The following TNFSF4 variants were observed in gnomAD, a reference collection of about 807,000 sequenced individuals.
TNFSF4 encodes tumor necrosis factor ligand superfamily member 4.
TNFSF4 carries 4 observed loss-of-function variants against 7.3 expected under a neutral mutation model. That is an observed-to-expected ratio of 0.55 (90% CI 0.27 to 1.25). TNFSF4 has a LOEUF of 1.25. TNFSF4 is among the 50% of genes most tolerant of loss of function. The pLI is 0.12. For missense variants in TNFSF4, 181 were observed against 208.8 expected (o/e 0.87, Z 0.82); for synonymous variants, 76 against 83.7 (o/e 0.91, Z 0.50).
the TNFSF4 span, among the ~76,000 whole-genome samples, chr1:173,430,220 A>C: frequency 3.9e-5 from 6 of 152,184 alleles, no homozygotes; most frequent in African/African-American, 1.4e-4. Flanking sequence ...GCCAAATTTG[A>C]ATCTTCTTTA....
At chr1:173,402,618 T>C in the TNFSF4 span, among the ~76,000 whole-genome samples, 1 of 152,330 alleles carries the variant, frequency 6.6e-6, no homozygotes. Context: ...CAGAGCACTA[T>C]TTCTCATCAA....
intron 1 of TNFSF4, among the ~76,000 whole-genome samples, chr1:173,199,670 T>C (rs1337277380): frequency 1.3e-5 from 2 of 152,214 alleles, no homozygotes; most frequent in African/African-American, 4.8e-5. Flanking sequence ...ATTTCTGTAG[T>C]TATAATTTAC....
At chr1:173,228,441 C>G in the TNFSF4 span, among the ~76,000 whole-genome samples, 1 of 152,162 alleles carries the variant, frequency 6.6e-6, no homozygotes, top group South Asian at 2.1e-4. Flanking sequence ...TCACCATCAT[C>G]AAAGACCAAA....
the TNFSF4 span, among the ~76,000 whole-genome samples, chr1:173,300,759 C>A: frequency 6.6e-6 from 1 of 150,910 alleles, no homozygotes; most frequent in Admixed American, 6.6e-5. Context: ...TGATTAATTT[C>A]TAAAACATTT....
the TNFSF4 span, among the ~76,000 whole-genome samples, chr1:173,327,175 AC>A: frequency 6.6e-6 from 1 of 152,218 alleles, no homozygotes. Flanking sequence ...AGAGATATAG[AC>A]CAATGGAACA....
the TNFSF4 span, among the ~76,000 whole-genome samples, chr1:173,441,489 T>C: frequency 6.6e-6 from 1 of 152,132 alleles, no homozygotes. Flanking sequence ...CGAGGCATGA[T>C]GGTGTGCACC....
chr1:173,224,428 A>T, the TNFSF4 span, among the ~76,000 whole-genome samples: 1 of 152,238 alleles, frequency 6.6e-6, no homozygotes, highest in East Asian at 1.9e-4. Context: ...AACACTCATG[A>T]CTGTCTGAAA....
At chr1:173,221,202 C>G in the TNFSF4 span, among the ~76,000 whole-genome samples, 5 of 152,184 alleles carry the variant, frequency 3.3e-5, no homozygotes, top group Non-Finnish European at 4.4e-5. Flanking sequence ...TAGGCCATAG[C>G]ATTAACAAGT....
At chr1:173,381,006 C>G in the TNFSF4 span, among the ~76,000 whole-genome samples, 8 of 152,218 alleles carry the variant, frequency 5.3e-5, no homozygotes, top group Admixed American at 2.6e-4. Flanking sequence ...CTATCAGTAC[C>G]CCTCAAAGCT....
the TNFSF4 span, among the ~76,000 whole-genome samples, chr1:173,215,557 T>C: frequency 2.6e-5 from 4 of 152,186 alleles, no homozygotes; most frequent in African/African-American, 9.7e-5. Flanking sequence ...GTCTACGTAA[T>C]ACACTAAGCA....
the TNFSF4 span, among the ~76,000 whole-genome samples, chr1:173,429,497 T>A: frequency 6.6e-6 from 1 of 152,216 alleles, no homozygotes; most frequent in African/African-American, 2.4e-5. Context: ...CCGTCCTTTG[T>A]TAGATGCTGC....
At chr1:173,247,993 G>A in the TNFSF4 span, among the ~76,000 whole-genome samples, 1 of 152,164 alleles carries the variant, frequency 6.6e-6, no homozygotes, top group African/African-American at 2.4e-5. Flanking sequence ...AAGTGTCCAG[G>A]AGAAATGAAT....
chr1:173,313,427 C>T, the TNFSF4 span, among the ~76,000 whole-genome samples: 1 of 152,080 alleles, frequency 6.6e-6, no homozygotes, highest in Non-Finnish European at 1.5e-5. Context: ...CGCTTGAGAA[C>T]TCTTTTGGAA....
At chr1:173,287,624 A>G in the TNFSF4 span, among the ~76,000 whole-genome samples, 2 of 152,288 alleles carry the variant, frequency 1.3e-5, no homozygotes, top group Middle Eastern at 3.4e-3. Context: ...ATGTACAAGG[A>G]TGTTCTCAGA....
chr1:173,362,943 G>T, the TNFSF4 span: 1 of 411,266 alleles, frequency 2.4e-6, no homozygotes, highest in South Asian at 2.3e-5. Context: ...ATAGTTCCTA[G>T]AACTTAGTTT....
chr1:173,359,460 AAAAAAG>A, the TNFSF4 span, among the ~76,000 whole-genome samples: 3 of 79,900 alleles, frequency 3.8e-5, no homozygotes, highest in African/African-American at 8.7e-5. Context: ...TTTAAAAAAA[AAAAAAG>A]AAAAGAAAAA....
chr1:173,182,090 G>A (rs1416782408), downstream of TNFSF4, among the ~76,000 whole-genome samples: 1 of 152,116 alleles, frequency 6.6e-6, no homozygotes, highest in Non-Finnish European at 1.5e-5. Flanking sequence ...ACCCCAGTAT[G>A]GTCTTTATTA....
chr1:173,194,753 G>C (rs1649626988), intron 1 of TNFSF4, among the ~76,000 whole-genome samples: 1 of 151,684 alleles, frequency 6.6e-6, no homozygotes. Flanking sequence ...AAAATAGCTG[G>C]ACATGGTGGT....
the TNFSF4 span, among the ~76,000 whole-genome samples, chr1:173,423,137 A>G: frequency 6.6e-6 from 1 of 152,160 alleles, no homozygotes; most frequent in Non-Finnish European, 1.5e-5. Flanking sequence ...ACTTGCAAAT[A>G]AATTCATTCT....
Sources: gnomAD v4.1 joint callset for allele counts (sites outside exome capture counted in the v4.1 genomes callset) on GRCh38, gnomAD v4.1.1 for gene constraint, MANE v1.5 for transcripts, NCBI Gene and HGNC (gene_info 2026-07-23, HGNC 2026-07-21) for gene names.